Variants in NBEAL2 observed in about 807,000 individuals in gnomAD.
NBEAL2 encodes neurobeachin like 2.
In NBEAL2, 160 loss-of-function variants were observed where a neutral mutation model predicts 299.8. That is an observed-to-expected ratio of 0.53 (90% CI 0.47 to 0.61). The LOEUF (loss-of-function observed/expected upper bound fraction) is 0.61. Among genes scored for constraint, NBEAL2 ranks in the 20% least tolerant of loss-of-function variants. NBEAL2 has a pLI of 0.00. For synonymous variants in NBEAL2, 1,493 were observed against 1,542.3 expected (o/e 0.97, Z 0.75); for missense variants, 3,112 against 3,649.0 (o/e 0.85, Z 3.79).
Position 47,000,515 on chromosome 3 carries a change from T to G in NBEAL2, c.4305+111T>G, listed in dbSNP as rs2036898010. 1 of 1,367,366 alleles carries G rather than the reference T, an allele frequency of 7.3e-7. No individual in the cohort carries two copies. The highest frequency in any genetic ancestry group is 9.9e-7 in the Non-Finnish European group (1 of 1,007,438). 84.7% of individuals were successfully genotyped at this position (1,367,366 alleles called of 1,614,324 possible). A position where few individuals can be genotyped will look rare whatever the true frequency, so the allele number is the denominator to read the frequency against. ...AGGTGTGGCCCTGTCTGACCAGGGT[T>G]GCAGCCACTGGTCAGGCCTATTGCT... On this transcript the variant is annotated intron_variant, in intron 27 of 53. Coordinates refer to ENST00000450053, the MANE Select transcript of NBEAL2 (RefSeq NM_015175.3). The surrounding 1 kb of genome is among the most constrained non-coding windows in gnomAD (Gnocchi z 4.5).
chr3:47,006,218 G>T lies in NBEAL2; in HGVS notation c.6973G>T (p.Gly2325Cys). The change falls in exon 44 of 54, where the codon GGC (glycine) becomes TGC (cysteine). Residue 2325 changes from glycine to cysteine, a missense_variant. Physicochemically the swap from Gly to Cys is radical, Grantham distance 159. Around this residue, in one of 3 missense-constraint regions of NBEAL2, gnomAD observed 521 missense variants for 729.6 expected, o/e 0.71. Transcript: ENST00000450053. ...TGAGCGGGAACGGAAGGCTCTGGAGGGCATTATCAGCAACTTTGGGCAGAC... is the reference window on the plus strand; with the variant it reads ...TGAGCGGGAACGGAAGGCTCTGGAGTGCATTATCAGCAACTTTGGGCAGAC... ...TDERERKALE[G>C]IISNFGQTPC... 6.2e-7 allele frequency: 1 copy of T among 1,613,946 alleles called. No homozygotes were observed. The highest frequency in any genetic ancestry group is 8.5e-7 in the Non-Finnish European group (1 of 1,179,884).
intron 21 of NBEAL2, 98 bp from the exon 22 acceptor site, chr3:46,998,365 C>G: frequency 6.6e-7 from 1 of 1,511,186 alleles, no homozygotes; most frequent in South Asian, 1.2e-5. Flanking sequence ...GACTATGACC[C>G]TGCCCTGGAA....
chr3:46,995,955 G>A lies in NBEAL2; in HGVS notation c.2055G>A (p.Val685=). 1 of 1,613,344 alleles carries A rather than the reference G, an allele frequency of 6.2e-7. No homozygotes were observed. Among genetic ancestry groups the A allele is most frequent in the South Asian group, 1.1e-5 (1 of 91,028 alleles). The change falls in exon 15 of 54, where the codon GTG becomes GTA. Residue 685 remains valine (V), a synonymous_variant. Coordinates refer to ENST00000450053, the MANE Select transcript of NBEAL2 (RefSeq NM_015175.3). The part of the protein sequence containing the change: ...SAWHCVAIVH[V]PGRRPFSQNL... ...AGCACTGCGTGGCTATCGTCCATGT[G>A]CCTGGGCGCCGGCCCTTCAGCCAGA...
Position 46,997,291 on chromosome 3 carries a change from C to T in NBEAL2, c.2682C>T (p.Ala894=). 2 of 1,612,850 alleles carry T rather than the reference C, an allele frequency of 1.2e-6. No individual in the cohort carries two copies. Among genetic ancestry groups the T allele is most frequent in the Non-Finnish European group, 1.7e-6 (2 of 1,179,838 alleles). Residue 894 remains alanine (A), a synonymous_variant, in exon 19 of 54, where the codon GCC becomes GCT. Coordinates refer to ENST00000450053, the MANE Select transcript of NBEAL2 (RefSeq NM_015175.3). ...TGAACTGCGTTGGGGGTATGGGTGC[C>T]CTGCTGCCCCTGCTGGAGCGAGTAG... The part of the protein sequence containing the change: ...DVVNCVGGMG[A]LLPLLERVAA...
At position 47,006,395 on chromosome 3, in the gene NBEAL2, T is replaced by C; in HGVS notation, c.7080T>C (p.Thr2360=). 3.8e-6 allele frequency: 6 copies of C among 1,595,658 alleles called. No individual in the cohort carries two copies. Among genetic ancestry groups the C allele is most frequent in the Non-Finnish European group, 5.1e-6 (6 of 1,171,168 alleles). ...EAAHRLARLD[T]NSPSIFQHLD... is the part of the protein sequence containing the mutation. ...CCCATCGCCTTGCACGCCTGGACACTAACTCACCTAGCATCTTCCAGCACC... is the reference window on the plus strand; with the variant it reads ...CCCATCGCCTTGCACGCCTGGACACCAACTCACCTAGCATCTTCCAGCACC... Residue 2360 remains threonine, a synonymous_variant, in exon 45 of 54, where the codon ACT becomes ACC. Transcript: ENST00000450053.
In NBEAL2 at chr3:46,999,718, G is replaced by A. The variant is rs755351443; in HGVS notation, c.3789+3G>A. On this transcript the variant is annotated splice_donor_region_variant and intron_variant, in intron 26 of 53. Coordinates refer to ENST00000450053, the MANE Select transcript of NBEAL2 (RefSeq NM_015175.3). ...TTCGCCTAGACATCTGTCGCCAGGT[G>A]AGCATGAGAGGTAAAAGCTTTGGGG... is the stretch of plus-strand genomic sequence containing the variant. 3.1e-6 allele frequency: 5 copies of A among 1,612,652 alleles called. No individual in the cohort carries two copies. Among genetic ancestry groups the A allele is most frequent in the Admixed American group, 1.7e-5 (1 of 59,938 alleles).
At position 47,001,647 on chromosome 3, in the gene NBEAL2, C is replaced by T. The variant is rs371792800; in HGVS notation, c.4645-42C>T. On this transcript the variant is annotated intron_variant, in intron 29 of 53. Transcript: ENST00000450053. This position sits in a 1 kb window ranked among gnomAD's most constrained non-coding sequence, Gnocchi z 6.1. ...TGCTCCCTTTCCATGGACTCCTGGCCTCCCCTGGTGATGTCTGTTGGGAAC... is the reference window on the plus strand; with the variant it reads ...TGCTCCCTTTCCATGGACTCCTGGCTTCCCCTGGTGATGTCTGTTGGGAAC... 1.4e-5 allele frequency: 22 copies of T among 1,602,098 alleles called. No homozygotes were observed. The highest frequency in any genetic ancestry group is 1.7e-5 in the Non-Finnish European group (20 of 1,170,972).
chr3:47,004,923 G>A lies in NBEAL2; in HGVS notation c.6295-49G>A. 1 of 1,571,716 alleles carries A rather than the reference G, an allele frequency of 6.4e-7. No individual in the cohort carries two copies. The highest frequency in any genetic ancestry group is 8.6e-7 in the Non-Finnish European group (1 of 1,158,868). ...GGGTGTGGGCAGGGCAGGGTGGGCT[G>A]GTAGGCCATCAGGGCCCTCATGCAG... On this transcript the variant is annotated intron_variant, in intron 38 of 53. Coordinates refer to ENST00000450053, the MANE Select transcript of NBEAL2 (RefSeq NM_015175.3). The surrounding 1 kb of genome is among the most constrained non-coding windows in gnomAD (Gnocchi z 5.0).
Position 47,000,385 on chromosome 3 carries a change from C to G in NBEAL2, c.4286C>G (p.Ser1429Trp), listed in dbSNP as rs757279344. The change falls in exon 27 of 54, where the codon TCG becomes TGG. Residue 1429 changes from serine (S) to tryptophan (W), a missense_variant. Ser to Trp is a radical substitution (Grantham distance 177). Coordinates refer to ENST00000450053, the MANE Select transcript of NBEAL2 (RefSeq NM_015175.3). The surrounding 1 kb of genome is among the most constrained non-coding windows in gnomAD (Gnocchi z 4.5). ...CCCACCATTAGCGGGGATGATACCTCGAACACCAGCAACCCACAGGTGAGG... is the reference window on the plus strand; with the variant it reads ...CCCACCATTAGCGGGGATGATACCTGGAACACCAGCAACCCACAGGTGAGG... ...PEPTISGDDT[S>W]NTSNPQQTSE... 1.0e-5 allele frequency: 16 copies of G among 1,575,244 alleles called. No individual in the cohort carries two copies. The South Asian group carries it at 1.8e-4, about 17-fold the overall frequency.
chr3:47,001,911 C>A lies in NBEAL2; in HGVS notation c.4783-9C>A. 1 of 1,604,634 alleles carries A rather than the reference C, an allele frequency of 6.2e-7. No individual in the cohort carries two copies. Among genetic ancestry groups the A allele is most frequent in the South Asian group, 1.1e-5 (1 of 90,844 alleles). ...GGCTGGGTGCCACTCATCTCTCTTG[C>A]GCCCACAGCTGCATGCCCAGGCCTA... On this transcript the variant is annotated splice_polypyrimidine_tract_variant and intron_variant, in intron 30 of 53. Transcript: ENST00000450053. This position sits in a 1 kb window ranked among gnomAD's most constrained non-coding sequence, Gnocchi z 6.1.
At position 47,007,665 on chromosome 3, in the gene NBEAL2, G is replaced by A; in HGVS notation, c.7475G>A (p.Gly2492Asp). The A allele has an allele frequency of 1.2e-6, 2 of 1,609,720 alleles. No individual in the cohort carries two copies. The highest frequency in any genetic ancestry group is 1.7e-6 in the Non-Finnish European group (2 of 1,177,800). The part of the protein sequence containing the change: ...GSLRVTALPR[G>D]KLLSQLSCHL... ...CTGCGGGTGACTGCACTACCCCGTGGCAAGCTGTTGAGCCAGCTCAGCTGC... is the reference window on the plus strand; with the variant it reads ...CTGCGGGTGACTGCACTACCCCGTGACAAGCTGTTGAGCCAGCTCAGCTGC... The change falls in exon 48 of 54, where the codon GGC becomes GAC. Residue 2492 changes from glycine (G) to aspartate (D), a missense_variant. This residue lies in a region of NBEAL2 where 348 missense variants were observed against 381.4 expected (regional missense o/e 0.91). Transcript: ENST00000450053.
chr3:46,985,325 A>G (rs1353255729), intron 1 of NBEAL2, among the ~76,000 whole-genome samples: 3 of 152,144 alleles, frequency 2.0e-5, no homozygotes, highest in Non-Finnish European at 2.9e-5. Context: ...CCCATTGTGC[A>G]ATGGCCTTGG....
rs759419139 is a variant in NBEAL2, at chr3:47,003,245, A to AC, written c.5660dup (p.Pro1888ThrfsTer16). The AC allele has an allele frequency of 1.2e-6, 2 of 1,612,852 alleles. No homozygotes were observed. The highest frequency in any genetic ancestry group is 1.7e-5 in the Admixed American group (1 of 59,968). On this transcript the variant is annotated frameshift_variant, in exon 35 of 54. Coordinates refer to ENST00000450053, the MANE Select transcript of NBEAL2 (RefSeq NM_015175.3). LOFTEE classifies it high-confidence loss of function. This position sits in a 1 kb window ranked among gnomAD's most constrained non-coding sequence, Gnocchi z 7.0. ...AGTGACCAAAGAGGCCAAAGTGAGC[A>AC]CCCCACCCGAGTTGCTGCAGGAGGA...
intron 1 of NBEAL2, among the ~76,000 whole-genome samples, chr3:46,985,066 A>G (rs2035594961): frequency 6.6e-6 from 1 of 152,176 alleles, no homozygotes; most frequent in African/African-American, 2.4e-5. Context: ...CCAGACAGGA[A>G]TGGGTCTTAC....
At position 47,008,126 on chromosome 3, in the gene NBEAL2, G is replaced by A. The variant is rs1169947030; in HGVS notation, c.7659G>A (p.Gly2553=). ...CTGTGCAGGTCCTGTATGGGCATGG[G>A]GCTGCAGTGAGCTGTGTGGCCATCA... ...PKPVQVLYGH[G]AAVSCVAIST... is the part of the protein sequence containing the mutation. Residue 2553 remains glycine (G), a synonymous_variant, in exon 50 of 54, where the codon GGG becomes GGA. Coordinates refer to ENST00000450053, the MANE Select transcript of NBEAL2 (RefSeq NM_015175.3). 2.5e-6 allele frequency: 4 copies of A among 1,614,016 alleles called. No homozygotes were observed. Among genetic ancestry groups the A allele is most frequent in the Non-Finnish European group, 2.5e-6 (3 of 1,179,898 alleles).
chr3:47,005,473 C>A lies in NBEAL2; in HGVS notation c.6561-16C>A. ...CATTCTCCCCACCTCACCTTGGCCC[C>A]GTGCCCCTCCCCCAGCTTTGACTGC... On this transcript the variant is annotated splice_polypyrimidine_tract_variant and intron_variant, in intron 40 of 53. Transcript: ENST00000450053. 6.2e-7 allele frequency: 1 copy of A among 1,609,160 alleles called. No individual in the cohort carries two copies. The highest frequency in any genetic ancestry group is 2.2e-5 in the East Asian group (1 of 44,574).
chr3:47,004,486 T>C lies in NBEAL2; in HGVS notation c.6199-9T>C, dbSNP rs1029214617. The C allele has an allele frequency of 6.2e-7, 1 of 1,613,036 alleles. No homozygotes were observed. Among genetic ancestry groups the C allele is most frequent in the African/African-American group, 1.3e-5 (1 of 74,904 alleles). On this transcript the variant is annotated splice_polypyrimidine_tract_variant and intron_variant, in intron 37 of 53. Transcript: ENST00000450053. The surrounding 1 kb of genome is among the most constrained non-coding windows in gnomAD (Gnocchi z 5.0). Reference sequence around the variant, plus strand: ...ACCTGGCTCACATCTTGTCTGCCCCTGTCCCCAGAAATGGGTACAGCGTGA... The same window carrying C: ...ACCTGGCTCACATCTTGTCTGCCCCCGTCCCCAGAAATGGGTACAGCGTGA...
In NBEAL2 at chr3:47,001,123, C is replaced by T; in HGVS notation, c.4428C>T (p.Leu1476=). The change falls in exon 28 of 54, where the codon CTC becomes CTT. Residue 1476 remains leucine, a synonymous_variant. Transcript: ENST00000450053. This position sits in a 1 kb window ranked among gnomAD's most constrained non-coding sequence, Gnocchi z 6.1. ...AGCGTGGCCAGGTTTTCTCAGTGCT[C>T]ACCCAGCTGGGGGCCTCAGCCACAC... ...WRERGQVFSV[L]TQLGASATLV... 1.2e-6 allele frequency: 2 copies of T among 1,612,478 alleles called. No individual in the cohort carries two copies. Among genetic ancestry groups the T allele is most frequent in the Non-Finnish European group, 1.7e-6 (2 of 1,179,424 alleles).
chr3:47,009,292 C>T lies in NBEAL2; in HGVS notation c.8237C>T (p.Thr2746Met), dbSNP rs757481997. 2.5e-6 allele frequency: 4 copies of T among 1,601,114 alleles called. No homozygotes were observed. In the South Asian group the frequency reaches 3.4e-5, roughly 14 times the overall value. Residue 2746 changes from threonine to methionine, a missense_variant, in exon 54 of 54, where the codon ACG becomes ATG. Physicochemically the swap from Thr to Met is moderately conservative, Grantham distance 81. Transcript: ENST00000450053. ...RRISQVSSGE[T>M]EYNPTEAR ...ATCTCCCAGGTGTCCTCGGGAGAGA[C>T]GGAATACAACCCTACTGAGGCGCGC...
Sources: allele counts gnomAD v4.1 joint callset (sites outside exome capture counted in the v4.1 genomes callset), GRCh38; gene constraint gnomAD v4.1.1; regional missense constraint gnomAD v4.1.1; non-coding constraint Gnocchi (gnomAD v3.1); transcripts MANE v1.5; gene names NCBI Gene and HGNC (gene_info 2026-07-23, HGNC 2026-07-21).